The following SEMA5A variants were observed in gnomAD, a reference collection of about 807,000 sequenced individuals.
SEMA5A encodes semaphorin-5A.
Under a neutral mutation model 135.5 loss-of-function variants are expected in SEMA5A, and 55 were observed. That is an observed-to-expected ratio of 0.41 (90% confidence interval 0.33 to 0.51). SEMA5A has a LOEUF of 0.51. SEMA5A is among the 20% of genes least tolerant of loss of function. The probability of loss-of-function intolerance (pLI) is 0.37; values close to 1 mark genes in which losing one functional copy is unlikely to be tolerated. For synonymous variants in SEMA5A, 580 were observed against 546.5 expected (o/e 1.06, Z -0.85); for missense variants, 1,290 against 1,419.9 (o/e 0.91, Z 1.47).
intron 1 of SEMA5A, among the ~76,000 whole-genome samples, chr5:9,473,524 T>C (rs527685884): frequency 1.2e-4 from 18 of 151,492 alleles, no homozygotes; most frequent in African/African-American, 4.4e-4. Flanking sequence ...AGGCAGGGTA[T>C]GTAGATTTTA....
At chr5:9,528,634 C>G (rs456058) in intron 1 of SEMA5A, among the ~76,000 whole-genome samples, 52,127 of 151,990 alleles carry the variant, frequency 0.34, 9,138 homozygotes, top group African/African-American at 0.41. Flanking sequence ...CCCATAAGGA[C>G]AGAGAGGCCA....
chr5:9,426,524 G>T (rs1405086400), intron 2 of SEMA5A, among the ~76,000 whole-genome samples: 6 of 150,958 alleles, frequency 4.0e-5, no homozygotes, highest in Non-Finnish European at 8.9e-5. Context: ...TTAATGACTT[G>T]CTCTGAGCAT....
chr5:9,082,126 T>A (rs534417773), intron 16 of SEMA5A, among the ~76,000 whole-genome samples: 4 of 152,322 alleles, frequency 2.6e-5, no homozygotes, highest in South Asian at 4.1e-4. Flanking sequence ...TCAAAAGATG[T>A]GAGAATTTCA....
At chr5:9,393,841 TAGC>T (rs1756271260) in intron 2 of SEMA5A, among the ~76,000 whole-genome samples, 1 of 152,120 alleles carries the variant, frequency 6.6e-6, no homozygotes, top group Admixed American at 6.5e-5. Flanking sequence ...AGAATGCTCA[TAGC>T]AGCATTGTTC....
chr5:9,117,976 A>G (rs1740611471), intron 15 of SEMA5A, among the ~76,000 whole-genome samples: 1 of 152,220 alleles, frequency 6.6e-6, no homozygotes, highest in African/African-American at 2.4e-5. Context: ...AGTGAGGAAC[A>G]CACTTGAAGA....
chr5:9,294,592 G>T (rs1487864010), intron 5 of SEMA5A, among the ~76,000 whole-genome samples: 1 of 152,108 alleles, frequency 6.6e-6, no homozygotes, highest in East Asian at 1.9e-4. Flanking sequence ...ACTCTCCCTA[G>T]ATTTACTGAG....
At chr5:9,543,836 G>GAAA (rs10535269) in intron 1 of SEMA5A, among the ~76,000 whole-genome samples, 2 of 144,722 alleles carry the variant, frequency 1.4e-5, no homozygotes, top group African/African-American at 2.5e-5. Context: ...TATTTTTCAT[G>GAAA]AAAAAAAAAA....
chr5:9,238,564 C>G (rs1046977275), intron 5 of SEMA5A, among the ~76,000 whole-genome samples: 1 of 152,102 alleles, frequency 6.6e-6, no homozygotes, highest in Admixed American at 6.6e-5. Flanking sequence ...GCTTCCACGT[C>G]TGATGCTAAC....
At chr5:9,107,954 G>A (rs1055234435) in intron 16 of SEMA5A, among the ~76,000 whole-genome samples, 186 bp downstream of exon 16, 5 of 152,204 alleles carry the variant, frequency 3.3e-5, no homozygotes, top group African/African-American at 1.2e-4. Context: ...CTTCTAGAAT[G>A]TACAGAGCAC....
At chr5:9,493,905 A>AT (rs1335983082) in intron 1 of SEMA5A, among the ~76,000 whole-genome samples, 8 of 152,224 alleles carry the variant, frequency 5.3e-5, no homozygotes, top group African/African-American at 1.4e-4. Context: ...TTGTTTCTTA[A>AT]TATGCTCAGG....
rs183165451 is a variant in SEMA5A, at chr5:9,438,176, A to C, written c.-174-324T>G. 4.0e-3 allele frequency among the ~76,000 whole-genome samples: 611 copies of C among 152,340 alleles called. 5 individuals carry two copies. The highest frequency in any genetic ancestry group is 0.013 in the African/African-American group (549 of 41,576). On this transcript the variant is annotated intron_variant, in intron 1 of 22. Transcript: ENST00000382496. The stretch of plus-strand genomic sequence containing the variant: ...TATCTTAACCAGTCTGAAATTATCT[A>C]AAGCAGTCTGAAAATTAAATTAAGA...
At chr5:9,048,237 G>T (rs1736378586) in intron 21 of SEMA5A, among the ~76,000 whole-genome samples, 1 of 152,278 alleles carries the variant, frequency 6.6e-6, no homozygotes, top group Admixed American at 6.5e-5. Flanking sequence ...TATTGTCAGG[G>T]CTCGTTTCCT....
intron 16 of SEMA5A, among the ~76,000 whole-genome samples, chr5:9,085,216 A>G (rs1458609950): frequency 6.6e-6 from 1 of 152,232 alleles, no homozygotes; most frequent in East Asian, 1.9e-4. Flanking sequence ...AGAAAATCCC[A>G]TTTTCTGAGG....
chr5:9,410,049 G>A (rs143766608), intron 2 of SEMA5A, among the ~76,000 whole-genome samples: 1 of 152,094 alleles, frequency 6.6e-6, no homozygotes, highest in East Asian at 1.9e-4. Flanking sequence ...TTTAGCTTCT[G>A]TTTTACCATG....
intron 16 of SEMA5A, among the ~76,000 whole-genome samples, chr5:9,076,877 TGTGTGTGTGTG>T (rs1738093379): frequency 2.8e-5 from 3 of 106,418 alleles, no homozygotes; most frequent in Non-Finnish European, 6.3e-5. Context: ...TTTGTGTGTG[TGTGTGTGTGTG>T]TGTGTGTGTG....
At chr5:9,084,592 C>T (rs1200990606) in intron 16 of SEMA5A, among the ~76,000 whole-genome samples, 2 of 152,156 alleles carry the variant, frequency 1.3e-5, no homozygotes, top group Non-Finnish European at 2.9e-5. Flanking sequence ...GTGAGATATG[C>T]CTTTCACATT....
At chr5:9,044,314 A>G in intron 22 of SEMA5A, 59 bp downstream of exon 22, 1 of 1,396,126 alleles carries the variant, frequency 7.2e-7, no homozygotes, top group Non-Finnish European at 1.0e-6. Context: ...GCATCAAAAT[A>G]CTCCCTACAA....
At chr5:9,419,821 A>G (rs1041921249) in intron 2 of SEMA5A, among the ~76,000 whole-genome samples, 1 of 152,184 alleles carries the variant, frequency 6.6e-6, no homozygotes, top group Non-Finnish European at 1.5e-5. Context: ...AAATCAACAC[A>G]ACGAATAACC....
chr5:9,201,895 C>T lies in SEMA5A; in HGVS notation c.932+60G>A, dbSNP rs567965132. ...ATTTAAAACCTCAGAGGTCAAAGAA[C>T]AGAAGACTTATTCAGAATGAGTAAG... On this transcript the variant is annotated intron_variant, in intron 9 of 22. Coordinates refer to ENST00000382496, the MANE Select transcript of SEMA5A (RefSeq NM_003966.3). 1.2e-5 allele frequency: 18 copies of T among 1,494,854 alleles called. No homozygotes were observed. The African/African-American group carries it at 2.5e-4, about 21-fold the overall frequency. 92.6% of individuals were successfully genotyped at this position (1,494,854 alleles called of 1,614,324 possible).
Sources: allele counts gnomAD v4.1 joint callset (sites outside exome capture counted in the v4.1 genomes callset), GRCh38; gene constraint gnomAD v4.1.1; transcripts MANE v1.5; gene names NCBI Gene and HGNC (gene_info 2026-07-23, HGNC 2026-07-21).